CTNND2: variants seen among roughly 807,000 people sequenced by gnomAD.
The protein encoded by CTNND2 is catenin delta-2.
Under a neutral mutation model 144.4 loss-of-function variants are expected in CTNND2, and 22 were observed. The observed-to-expected ratio is 0.15, with a 90% CI of 0.11 to 0.22. The LOEUF (loss-of-function observed/expected upper bound fraction) is 0.22, where lower values mean the gene tolerates loss of function less well. CTNND2 is among the 10% of genes least tolerant of loss of function. CTNND2 has a pLI of 1.00. For missense variants in CTNND2, 1,353 were observed against 1,618.8 expected (o/e 0.84, Z 2.82); for synonymous variants, 751 against 695.6 (o/e 1.08, Z -1.25).
At chr5:11,656,327 G>A (rs1219283209) in intron 2 of CTNND2, among the ~76,000 whole-genome samples, 3 of 151,674 alleles carry the variant, frequency 2.0e-5, no homozygotes, top group Admixed American at 2.0e-4. Context: ...TAGAAAAAAA[G>A]AGCAGTCTAA....
intron 1 of CTNND2, among the ~76,000 whole-genome samples, chr5:11,901,562 C>T (rs910879778): frequency 2.6e-5 from 4 of 152,132 alleles, no homozygotes; most frequent in South Asian, 4.1e-4. Flanking sequence ...ACTTTTATTA[C>T]GAACAATGAA....
At chr5:11,270,767 C>G (rs953095869) in intron 9 of CTNND2, among the ~76,000 whole-genome samples, 3 of 152,160 alleles carry the variant, frequency 2.0e-5, no homozygotes, top group African/African-American at 7.2e-5. Flanking sequence ...AATCTTTAGC[C>G]TTATTATTGC....
intron 3 of CTNND2, among the ~76,000 whole-genome samples, chr5:11,554,742 T>C (rs922066925): frequency 6.6e-6 from 1 of 151,992 alleles, no homozygotes; most frequent in Non-Finnish European, 1.5e-5. Flanking sequence ...AAATCAACCA[T>C]AGTTCCACAT....
intron 10 of CTNND2, among the ~76,000 whole-genome samples, chr5:11,235,689 C>T (rs1444413810): frequency 1.3e-5 from 2 of 152,168 alleles, no homozygotes; most frequent in Admixed American, 1.3e-4. Context: ...AAAATCACAC[C>T]TGGTTGAGAA....
At chr5:11,043,702 C>T (rs1032415596) in intron 16 of CTNND2, among the ~76,000 whole-genome samples, 5 of 152,216 alleles carry the variant, frequency 3.3e-5, no homozygotes, top group South Asian at 2.1e-4. Flanking sequence ...CCACTTTTTA[C>T]AAGCAATATT....
At chr5:11,736,347 C>T (rs1787681643) in intron 1 of CTNND2, among the ~76,000 whole-genome samples, 1 of 152,188 alleles carries the variant, frequency 6.6e-6, no homozygotes, top group Admixed American at 6.5e-5. Flanking sequence ...CTCCTTACAG[C>T]AATAACAGAA....
intron 2 of CTNND2, among the ~76,000 whole-genome samples, chr5:11,726,488 C>T (rs1787026355): frequency 6.6e-6 from 1 of 152,002 alleles, no homozygotes; most frequent in Non-Finnish European, 1.5e-5. Flanking sequence ...TAAAAAAAAC[C>T]CAATTCATTT....
intron 2 of CTNND2, among the ~76,000 whole-genome samples, chr5:11,622,433 A>C (rs975890304): frequency 6.6e-6 from 1 of 152,188 alleles, no homozygotes; most frequent in African/African-American, 2.4e-5. Context: ...AAACACAATA[A>C]TAATGTAAGT....
At chr5:11,805,683 T>G (rs1791954705) in intron 1 of CTNND2, among the ~76,000 whole-genome samples, 1 of 150,304 alleles carries the variant, frequency 6.7e-6, no homozygotes, top group African/African-American at 2.5e-5. Flanking sequence ...GTGTCTATAC[T>G]AATATAAAGG....
intron 9 of CTNND2, among the ~76,000 whole-genome samples, chr5:11,331,906 T>A: frequency 6.6e-6 from 1 of 152,250 alleles, no homozygotes; most frequent in East Asian, 1.9e-4. Context: ...TCAAAATAAC[T>A]AGAAGATTTT....
At chr5:11,132,230 G>T (rs2158444) in intron 12 of CTNND2, among the ~76,000 whole-genome samples, 86,101 of 152,056 alleles carry the variant, frequency 0.57, 24,495 homozygotes, top group East Asian at 0.65. Flanking sequence ...GAGTCACTCA[G>T]TAGGGAAGAA....
chr5:11,237,311 G>A (rs932303780), intron 9 of CTNND2, among the ~76,000 whole-genome samples: 4 of 152,180 alleles, frequency 2.6e-5, no homozygotes, highest in South Asian at 2.1e-4. Context: ...GAGCCAGCGC[G>A]CCCAGCCTAG....
chr5:11,434,318 G>C (rs1763567213), intron 3 of CTNND2, among the ~76,000 whole-genome samples: 1 of 152,188 alleles, frequency 6.6e-6, no homozygotes. Flanking sequence ...CAGAGCAGTG[G>C]TTGCCTTTGA....
chr5:11,161,065 C>T (rs1323300407), intron 11 of CTNND2, among the ~76,000 whole-genome samples: 1 of 152,210 alleles, frequency 6.6e-6, no homozygotes. Context: ...TAGTGCCCAG[C>T]ATGCATAAAA....
At chr5:11,427,483 T>C (rs1466024400) in intron 3 of CTNND2, among the ~76,000 whole-genome samples, 1 of 152,056 alleles carries the variant, frequency 6.6e-6, no homozygotes, top group Non-Finnish European at 1.5e-5. Context: ...TTTGACCATG[T>C]TGGCTAGACT....
Position 11,562,502 on chromosome 5 carries a change from T to C in CTNND2, c.287+2442A>G, listed in dbSNP as rs528633601. On this transcript the variant is annotated intron_variant, in intron 3 of 21. Coordinates refer to ENST00000304623, the MANE Select transcript of CTNND2 (RefSeq NM_001332.4). ...AGTATCAATAAATTGCTTGTAGTTATACAAATGCAGATGCATACATTAGAG... is the reference window on the plus strand; with the variant it reads ...AGTATCAATAAATTGCTTGTAGTTACACAAATGCAGATGCATACATTAGAG... Among the ~76,000 whole-genome samples the C allele has an allele frequency of 1.1e-4, 16 of 152,342 alleles. No homozygotes were observed. In the East Asian group the frequency reaches 2.7e-3, roughly 26 times the overall value.
chr5:11,903,207 T>G lies in CTNND2; in HGVS notation c.37+610A>C. 1.0e-6 allele frequency: 1 copy of G among 985,472 alleles called. No individual in the cohort carries two copies. Among genetic ancestry groups the G allele is most frequent in the Non-Finnish European group, 1.2e-6 (1 of 829,990 alleles). 61.0% of individuals were successfully genotyped at this position (985,472 alleles called of 1,614,324 possible). On this transcript the variant is annotated intron_variant, in intron 1 of 21. Coordinates refer to ENST00000304623, the MANE Select transcript of CTNND2 (RefSeq NM_001332.4). The surrounding 1 kb of genome is among the most constrained non-coding windows in gnomAD (Gnocchi z 5.4). ...GGCGGCGCTTTCTGGAGCCTGGCTG[T>G]CTATTGTCAGCACGCAGAAGCCCCC...
chr5:10,990,495 T>C (rs967667011), intron 19 of CTNND2, among the ~76,000 whole-genome samples: 16 of 152,184 alleles, frequency 1.1e-4, no homozygotes, highest in African/African-American at 3.6e-4. Context: ...CAGGAAAGTC[T>C]CTCTTCCTGC....
At chr5:11,289,180 C>T (rs377631202) in intron 9 of CTNND2, among the ~76,000 whole-genome samples, 8 of 152,316 alleles carry the variant, frequency 5.3e-5, no homozygotes, top group Admixed American at 2.0e-4. Context: ...CCTCTGAGTG[C>T]CTCAAGAAGT....
Sources: allele counts gnomAD v4.1 joint callset (sites outside exome capture counted in the v4.1 genomes callset), GRCh38; gene constraint gnomAD v4.1.1; non-coding constraint Gnocchi (gnomAD v3.1); transcripts MANE v1.5; gene names NCBI Gene and HGNC (gene_info 2026-07-23, HGNC 2026-07-21).